ZNF704: variants seen among roughly 807,000 people sequenced by gnomAD.
ZNF704 encodes the protein zinc finger protein 704.
A neutral mutation model predicts 44.7 loss-of-function variants in ZNF704; 10 were observed. That is an observed-to-expected ratio of 0.22 (90% CI 0.14 to 0.38). The LOEUF (loss-of-function observed/expected upper bound fraction) is 0.38, where lower values mean the gene tolerates loss of function less well. ZNF704 is among the 10% of genes least tolerant of loss of function. The pLI, the probability that ZNF704 is intolerant of heterozygous loss-of-function variation, is 1.00. For synonymous variants in ZNF704, 211 were observed against 207.6 expected (o/e 1.02, Z -0.14); for missense variants, 390 against 545.5 (o/e 0.71, Z 2.84).
At chr8:80,685,140 A>C (rs1818514870) in intron 4 of ZNF704, among the ~76,000 whole-genome samples, 1 of 145,190 alleles carries the variant, frequency 6.9e-6, no homozygotes, top group African/African-American at 2.9e-5. Flanking sequence ...AAATAAATAT[A>C]TATAATAAAA....
At chr8:80,651,391 G>T (rs1817916769) in intron 7 of ZNF704, among the ~76,000 whole-genome samples, 1 of 152,162 alleles carries the variant, frequency 6.6e-6, no homozygotes, top group Admixed American at 6.5e-5. Flanking sequence ...AAAGAGTCAA[G>T]ACCCATCAGT....
chr8:80,672,977 A>C (rs1047756477), intron 4 of ZNF704, among the ~76,000 whole-genome samples: 3 of 152,238 alleles, frequency 2.0e-5, no homozygotes, highest in Non-Finnish European at 4.4e-5. Flanking sequence ...TAATTAACGT[A>C]GTAAATAACA....
At chr8:80,765,322 ACTC>A (rs1807210383) in intron 2 of ZNF704, among the ~76,000 whole-genome samples, 1 of 151,952 alleles carries the variant, frequency 6.6e-6, no homozygotes, top group Non-Finnish European at 1.5e-5. Context: ...CACCTGGTCC[ACTC>A]CGACTCACTC....
rs560230798 is a variant in ZNF704, at chr8:80,712,242, C to T, written c.222-19135G>A. 9.2e-5 allele frequency among the ~76,000 whole-genome samples: 14 copies of T among 152,264 alleles called. No homozygotes were observed. The East Asian group carries it at 9.7e-4, about 11-fold the overall frequency. ...TACTCTCTAACCATGTGATGCCTTCCGGCACTTTATGACACAGCAACAAGG... is the reference window on the plus strand; with the variant it reads ...TACTCTCTAACCATGTGATGCCTTCTGGCACTTTATGACACAGCAACAAGG... On this transcript the variant is annotated intron_variant, in intron 2 of 8. Transcript: ENST00000327835.
intron 6 of ZNF704, among the ~76,000 whole-genome samples, chr8:80,663,588 T>C (rs1007747496): frequency 4.6e-5 from 7 of 152,118 alleles, no homozygotes; most frequent in Non-Finnish European, 1.0e-4. Context: ...TCCCAGGTGA[T>C]GCTGGCACTG....
At chr8:80,795,644 G>A (rs1005447494) in intron 2 of ZNF704, among the ~76,000 whole-genome samples, 1 of 151,164 alleles carries the variant, frequency 6.6e-6, no homozygotes, top group African/African-American at 2.4e-5. Flanking sequence ...CTTGAACCCA[G>A]GAGGCAGAGG....
chr8:80,646,645 T>G (rs944862719), intron 7 of ZNF704, among the ~76,000 whole-genome samples: 1 of 152,092 alleles, frequency 6.6e-6, no homozygotes, highest in African/African-American at 2.4e-5. Flanking sequence ...TGGAGTTCAG[T>G]GCATTCATTT....
intron 7 of ZNF704, among the ~76,000 whole-genome samples, chr8:80,657,565 C>G (rs904532413): frequency 3.3e-5 from 5 of 152,016 alleles, no homozygotes; most frequent in African/African-American, 1.2e-4. Flanking sequence ...TGATGGTGTG[C>G]TTCTGTAGTC....
rs985236655 is a variant in ZNF704, at chr8:80,795,731, A to C, written c.221+25643T>G. Among the ~76,000 whole-genome samples, 30 of 152,268 alleles carry C rather than the reference A, an allele frequency of 2.0e-4. No homozygotes were observed. In the South Asian group the frequency reaches 3.1e-3, roughly 16 times the overall value. ...GGAACTCCATCTCAAAAAAAAAAAAAAAAACAGTATTTCTGTAGCTAATAT... is the reference window on the plus strand; with the variant it reads ...GGAACTCCATCTCAAAAAAAAAAAACAAAACAGTATTTCTGTAGCTAATAT... On this transcript the variant is annotated intron_variant, in intron 2 of 8. Transcript: ENST00000327835.
In ZNF704 at chr8:80,696,520, C is replaced by T. The variant is rs554839049; in HGVS notation, c.222-3413G>A. 2.8e-4 allele frequency among the ~76,000 whole-genome samples: 42 copies of T among 152,202 alleles called. 1 individual carries two copies. The highest frequency in any genetic ancestry group is 6.2e-4 in the South Asian group (3 of 4,822). ...GCAACCTCCACCTCCCGGGTTCAAGCGATTCTTCTGCTTCAGCCTCCCGAG... is the reference window on the plus strand; with the variant it reads ...GCAACCTCCACCTCCCGGGTTCAAGTGATTCTTCTGCTTCAGCCTCCCGAG... On this transcript the variant is annotated intron_variant, in intron 2 of 8. Transcript: ENST00000327835.
chr8:80,707,967 T>C (rs575697843), intron 2 of ZNF704, among the ~76,000 whole-genome samples: 6 of 152,262 alleles, frequency 3.9e-5, no homozygotes, highest in Non-Finnish European at 7.3e-5. Context: ...GAAGCACCTA[T>C]GTTGCCGTCT....
intron 2 of ZNF704, among the ~76,000 whole-genome samples, chr8:80,777,823 G>A (rs1234762667): frequency 6.6e-6 from 1 of 151,038 alleles, no homozygotes; most frequent in Non-Finnish European, 1.5e-5. Context: ...AGGTTGCATT[G>A]AGCCGAGATC....
chr8:80,789,284 A>G (rs1217948281), intron 2 of ZNF704, among the ~76,000 whole-genome samples: 1 of 152,208 alleles, frequency 6.6e-6, no homozygotes, highest in Non-Finnish European at 1.5e-5. Flanking sequence ...CAGCATAATT[A>G]GTATGGTCTG....
At chr8:80,646,654 T>A (rs1052581163) in intron 7 of ZNF704, among the ~76,000 whole-genome samples, 17 of 152,068 alleles carry the variant, frequency 1.1e-4, no homozygotes, top group African/African-American at 3.4e-4. Context: ...GTGCATTCAT[T>A]TCATGTGTAT....
intron 1 of ZNF704, among the ~76,000 whole-genome samples, chr8:80,855,745 C>G (rs563158378): frequency 6.6e-6 from 1 of 152,072 alleles, no homozygotes; most frequent in Non-Finnish European, 1.5e-5. Flanking sequence ...TGTAACAAAA[C>G]TACAATTGTA....
chr8:80,743,225 T>G (rs202001999), intron 2 of ZNF704, among the ~76,000 whole-genome samples: 1 of 143,100 alleles, frequency 7.0e-6, no homozygotes, highest in Non-Finnish European at 1.5e-5. Flanking sequence ...AATCTCCTAT[T>G]AAAATAAAAA....
In ZNF704 at chr8:80,692,812, T is replaced by G. The variant is rs139933559; in HGVS notation, c.325+192A>C. Among the ~76,000 whole-genome samples, 1,206 of 152,252 alleles carry G rather than the reference T, an allele frequency of 7.9e-3. 67 individuals carry two copies. The highest frequency in any genetic ancestry group is 0.073 in the Admixed American group (1,117 of 15,296). On this transcript the variant is annotated intron_variant, in intron 3 of 8. Coordinates refer to ENST00000327835, the MANE Select transcript of ZNF704 (RefSeq NM_001033723.3). ...GGAGGGATGGGTGAATGAGAAGCAG[T>G]GGGCTCCCTGGGAAGATGAAGAGGG...
rs564082814 is a variant in ZNF704 at position 80,855,054 on chromosome 8, C to T, written c.-22+19517G>A. 1.6e-3 allele frequency among the ~76,000 whole-genome samples: 250 copies of T among 152,152 alleles called. 1 individual carries two copies. The highest frequency in any genetic ancestry group is 5.8e-3 in the African/African-American group (239 of 41,514). On this transcript the variant is annotated intron_variant, in intron 1 of 8. Transcript: ENST00000327835. Reference sequence around the variant, plus strand: ...AGTCTTTAAGTTATTTAAAAATGTACAATTAAGTTATCATGTTTGACTATT... The same window carrying T: ...AGTCTTTAAGTTATTTAAAAATGTATAATTAAGTTATCATGTTTGACTATT...
intron 1 of ZNF704, among the ~76,000 whole-genome samples, chr8:80,869,843 T>G (rs761419002): frequency 2.0e-5 from 3 of 152,220 alleles, no homozygotes; most frequent in Non-Finnish European, 4.4e-5. Flanking sequence ...TTCTCCTTGC[T>G]GGCTTGATGA....
Sources: gnomAD v4.1 joint callset for allele counts (sites outside exome capture counted in the v4.1 genomes callset) on GRCh38, gnomAD v4.1.1 for gene constraint, MANE v1.5 for transcripts, NCBI Gene and HGNC (gene_info 2026-07-23, HGNC 2026-07-21) for gene names.